Variants in TAFA2 observed in about 807,000 individuals in gnomAD.
The protein encoded by TAFA2 is TAFA chemokine like family member 2.
In TAFA2, 7 loss-of-function variants were observed where a neutral mutation model predicts 18.8. That is an observed-to-expected ratio of 0.37 (90% CI 0.21 to 0.70). The LOEUF (loss-of-function observed/expected upper bound fraction) is 0.70. TAFA2 is among the 30% of genes least tolerant of loss of function. The probability of loss-of-function intolerance (pLI) is 0.53; values close to 1 mark genes in which losing one functional copy is unlikely to be tolerated. For missense variants in TAFA2, 122 were observed against 158.1 expected (o/e 0.77, Z 1.23); for synonymous variants, 60 against 54.2 (o/e 1.11, Z -0.47).
At chr12:62,243,885 A>C (rs991154832) in intron 1 of TAFA2, among the ~76,000 whole-genome samples, 4 of 152,096 alleles carry the variant, frequency 2.6e-5, no homozygotes, top group Non-Finnish European at 5.9e-5. Context: ...AGCTCAAGCA[A>C]TCCTGCCTTA....
At chr12:62,011,016 C>T (rs2701153) in intron 1 of TAFA2, among the ~76,000 whole-genome samples, 57,454 of 81,342 alleles carry the variant, frequency 0.71, 21,392 homozygotes, top group Non-Finnish European at 0.73. Flanking sequence ...GTGGGGGGCG[C>T]CTCTGCCCGG....
intron 1 of TAFA2, among the ~76,000 whole-genome samples, chr12:62,103,768 A>T (rs1282206934): frequency 6.6e-6 from 1 of 151,784 alleles, no homozygotes; most frequent in Non-Finnish European, 1.5e-5. Flanking sequence ...AAAAGACTAC[A>T]TGCTTCCTCA....
rs374112263 is a variant in TAFA2, at chr12:62,083,521, T to C, written c.-2+107738A>G. Among the ~76,000 whole-genome samples the C allele has an allele frequency of 1.5e-4, 23 of 152,284 alleles. No individual in the cohort carries two copies. In the East Asian group the frequency reaches 2.1e-3, roughly 14 times the overall value. On this transcript the variant is annotated intron_variant, in intron 1 of 4. Coordinates refer to ENST00000416284, the MANE Select transcript of TAFA2 (RefSeq NM_178539.5). ...AATAAAACCTCTCTCCTCTCCGCCA[T>C]GAAAGTAAAACAAAATAAGGGTGGG...
intron 1 of TAFA2, among the ~76,000 whole-genome samples, chr12:62,167,987 A>T (rs1270961244): frequency 6.6e-6 from 1 of 152,202 alleles, no homozygotes; most frequent in East Asian, 1.9e-4. Context: ...ATTCATAATC[A>T]TACTTTCTTT....
intron 1 of TAFA2, among the ~76,000 whole-genome samples, chr12:62,071,157 A>G (rs1372480496): frequency 6.6e-6 from 1 of 152,188 alleles, no homozygotes; most frequent in East Asian, 1.9e-4. Context: ...TAGTGATCAG[A>G]GGGTATAAGT....
chr12:62,209,637 G>GC (rs1437436760), intron 1 of TAFA2, among the ~76,000 whole-genome samples: 1 of 152,158 alleles, frequency 6.6e-6, no homozygotes, highest in Non-Finnish European at 1.5e-5. Context: ...ATAGATATTA[G>GC]CAATACCTAA....
chr12:62,200,079 C>G (rs1249917922), intron 1 of TAFA2, among the ~76,000 whole-genome samples: 1 of 152,076 alleles, frequency 6.6e-6, no homozygotes, highest in South Asian at 2.1e-4. Context: ...TGTTCAAGTC[C>G]TTTGCCCACT....
chr12:62,075,300 A>C (rs1317980102), intron 1 of TAFA2, among the ~76,000 whole-genome samples: 1 of 152,226 alleles, frequency 6.6e-6, no homozygotes, highest in East Asian at 1.9e-4. Flanking sequence ...CTATCCACTA[A>C]AATCAGTTAT....
rs377249715 is a variant in TAFA2 at position 62,038,150 on chromosome 12, T to C, written c.-2+153109A>G. 5.9e-5 allele frequency among the ~76,000 whole-genome samples: 9 copies of C among 152,136 alleles called. No homozygotes were observed. In the East Asian group the frequency reaches 1.3e-3, roughly 23 times the overall value. On this transcript the variant is annotated intron_variant, in intron 1 of 4. Transcript: ENST00000416284. Reference sequence around the variant, plus strand: ...CAAAACAGACAAAGTAGCAGATGTATAGGATTAACAAGTCTTGAGATTTGA... The same window carrying C: ...CAAAACAGACAAAGTAGCAGATGTACAGGATTAACAAGTCTTGAGATTTGA...
At chr12:61,966,934 G>A (rs1396433518) in intron 1 of TAFA2, among the ~76,000 whole-genome samples, 2 of 151,820 alleles carry the variant, frequency 1.3e-5, no homozygotes, top group Admixed American at 1.3e-4. Context: ...TTTTCTATAT[G>A]CATCTTTTCC....
At chr12:61,723,854 T>G (rs1423227202) in intron 4 of TAFA2, among the ~76,000 whole-genome samples, 1 of 152,048 alleles carries the variant, frequency 6.6e-6, no homozygotes, top group East Asian at 1.9e-4. Context: ...TACACCTATC[T>G]CCTGAGTAAT....
chr12:61,840,179 T>C (rs984385929), intron 2 of TAFA2, among the ~76,000 whole-genome samples: 1 of 151,976 alleles, frequency 6.6e-6, no homozygotes, highest in Non-Finnish European at 1.5e-5. Flanking sequence ...GTTAATAGAG[T>C]AGAGTTGTGT....
intron 1 of TAFA2, among the ~76,000 whole-genome samples, chr12:62,056,817 G>T (rs1230228958): frequency 6.6e-6 from 1 of 152,210 alleles, no homozygotes; most frequent in African/African-American, 2.4e-5. Context: ...AATGGGTGCT[G>T]CCTACATCAA....
chr12:62,215,988 ATAAAG>A (rs1025137248), intron 1 of TAFA2, among the ~76,000 whole-genome samples: 1 of 152,192 alleles, frequency 6.6e-6, no homozygotes, highest in African/African-American at 2.4e-5. Flanking sequence ...TGGCAAGTGA[ATAAAG>A]TAACAGTTTC....
intron 1 of TAFA2, among the ~76,000 whole-genome samples, chr12:62,096,791 C>T (rs1216687133): frequency 6.6e-6 from 1 of 152,100 alleles, no homozygotes. Context: ...GCAAACCCTT[C>T]CCCAAGCTGC....
chr12:62,101,407 C>T (rs1869195445), intron 1 of TAFA2, among the ~76,000 whole-genome samples: 1 of 152,130 alleles, frequency 6.6e-6, no homozygotes, highest in Non-Finnish European at 1.5e-5. Context: ...TGGAAATATA[C>T]ACTGAATACA....
chr12:61,960,873 A>AC (rs1878860931), intron 1 of TAFA2, among the ~76,000 whole-genome samples: 1 of 151,954 alleles, frequency 6.6e-6, no homozygotes, highest in Admixed American at 6.6e-5. Flanking sequence ...TGATGAAAAT[A>AC]GAAAAAAATA....
chr12:62,081,157 T>C (rs1003261388), intron 1 of TAFA2, among the ~76,000 whole-genome samples: 7 of 152,158 alleles, frequency 4.6e-5, no homozygotes, highest in African/African-American at 1.4e-4. Context: ...ATCGCGCCAC[T>C]GCACTCCAGC....
At chr12:62,163,778 G>A (rs1213554255) in intron 1 of TAFA2, among the ~76,000 whole-genome samples, 1 of 151,948 alleles carries the variant, frequency 6.6e-6, no homozygotes. Flanking sequence ...TCCCTCATTG[G>A]TTTATCCTAA....
Sources: gnomAD v4.1 joint callset for allele counts (sites outside exome capture counted in the v4.1 genomes callset) on GRCh38, gnomAD v4.1.1 for gene constraint, MANE v1.5 for transcripts, NCBI Gene and HGNC (gene_info 2026-07-23, HGNC 2026-07-21) for gene names.